The following ZBTB20 variants were observed in gnomAD, a reference collection of about 807,000 sequenced individuals.
ZBTB20 encodes zinc finger and BTB domain-containing protein 20.
A neutral mutation model predicts 56.9 loss-of-function variants in ZBTB20; 9 were observed. The observed-to-expected ratio is 0.16, with a 90% CI of 0.10 to 0.28. The LOEUF is 0.28. Ranked by LOEUF, ZBTB20 falls within the 10% of genes least tolerant of loss-of-function variation. The probability of loss-of-function intolerance (pLI) is 1.00; values close to 1 mark genes in which losing one functional copy is unlikely to be tolerated. For synonymous variants in ZBTB20, 417 were observed against 420.7 expected (o/e 0.99, Z 0.11); for missense variants, 655 against 1,003.0 (o/e 0.65, Z 4.69).
At position 114,529,471 on chromosome 3, in the gene ZBTB20, G is replaced by A. The variant is rs904460012; in HGVS notation, c.-294-29080C>T. ...TAAAGCAGAAATTTGTTCTCTCTCC[G>A]AGACATTATGTCTCTTTTACCACAT... On this transcript the variant is annotated intron_variant, in intron 6 of 11. Transcript: ENST00000675478. The A allele has an allele frequency of 5.3e-5, 8 of 152,056 alleles. No individual in the cohort carries two copies. The South Asian group carries it at 6.2e-4, about 12-fold the overall frequency. The allele number at this position is 152,056 out of a possible 1,614,324, so 9.4% of individuals were successfully genotyped here. A position where few individuals can be genotyped will look rare whatever the true frequency, so the allele number is the denominator to read the frequency against.
chr3:114,618,485 T>C (rs1231020809), intron 6 of ZBTB20, among the ~76,000 whole-genome samples: 1 of 152,128 alleles, frequency 6.6e-6, no homozygotes, highest in African/African-American at 2.4e-5. Flanking sequence ...CTCAAACTCC[T>C]GGGCTCAAGG....
chr3:114,340,159 A>G (rs1345925091), intron 11 of ZBTB20, among the ~76,000 whole-genome samples: 5 of 152,094 alleles, frequency 3.3e-5, no homozygotes, highest in African/African-American at 1.2e-4. Flanking sequence ...ACATGATGAT[A>G]TCAGACTCAA....
intron 6 of ZBTB20, among the ~76,000 whole-genome samples, chr3:114,610,037 A>G (rs982570591): frequency 6.6e-6 from 1 of 152,180 alleles, no homozygotes; most frequent in African/African-American, 2.4e-5. Context: ...GACTTAAATG[A>G]TAAAGCCATG....
At chr3:114,520,539 T>C (rs565349468) in intron 6 of ZBTB20, among the ~76,000 whole-genome samples, 237 of 152,246 alleles carry the variant, frequency 1.6e-3, no homozygotes, top group African/African-American at 5.4e-3. Context: ...GGAGTGGATT[T>C]AAGAGAAAAT....
In ZBTB20 at chr3:114,831,315, G is replaced by T. The variant is rs188470411; in HGVS notation, c.-416-30141C>A. On this transcript the variant is annotated intron_variant, in intron 4 of 11. Coordinates refer to ENST00000675478, the MANE Select transcript of ZBTB20 (RefSeq NM_001348800.3). ...GCAAGCTCAGAAACCCAGACTGCCT[G>T]GGTTCAAATCCAGGCTTTACCAATT... Among the ~76,000 whole-genome samples, 175 of 151,734 alleles carry T rather than the reference G, an allele frequency of 1.2e-3. 1 individual carries two copies. The highest frequency in any genetic ancestry group is 4.1e-3 in the African/African-American group (172 of 41,458).
At chr3:114,557,540 A>G (rs914662113) in intron 6 of ZBTB20, among the ~76,000 whole-genome samples, 13 of 151,994 alleles carry the variant, frequency 8.6e-5, no homozygotes, top group African/African-American at 3.1e-4. Context: ...TTTCCTGGAA[A>G]TATAATTTGC....
chr3:114,537,439 C>G (rs1218666381), intron 6 of ZBTB20, among the ~76,000 whole-genome samples: 1 of 152,146 alleles, frequency 6.6e-6, no homozygotes, highest in African/African-American at 2.4e-5. Flanking sequence ...CAATGAGATA[C>G]CATCTCACGC....
At chr3:114,847,217 G>T (rs546634859) in intron 4 of ZBTB20, among the ~76,000 whole-genome samples, 2 of 151,440 alleles carry the variant, frequency 1.3e-5, no homozygotes, top group South Asian at 2.1e-4. Flanking sequence ...GGTCACCTTG[G>T]AAGAAAGTCA....
At chr3:115,056,091 T>A (rs936609761) in intron 2 of ZBTB20, among the ~76,000 whole-genome samples, 1 of 152,084 alleles carries the variant, frequency 6.6e-6, no homozygotes, top group Non-Finnish European at 1.5e-5. Flanking sequence ...TAAAATACAG[T>A]CTTACAAAAT....
chr3:114,618,691 T>C (rs1264803676), intron 6 of ZBTB20, among the ~76,000 whole-genome samples: 2 of 152,214 alleles, frequency 1.3e-5, no homozygotes, highest in African/African-American at 4.8e-5. Flanking sequence ...TGGGTTACTA[T>C]TATCCTCATT....
chr3:114,843,634 T>C (rs369873750), intron 4 of ZBTB20, among the ~76,000 whole-genome samples: 5 of 152,094 alleles, frequency 3.3e-5, no homozygotes, highest in African/African-American at 1.2e-4. Context: ...CTCCTAAAGC[T>C]CTGGGATTAC....
At chr3:114,399,627 T>TA (rs1156256893) in intron 7 of ZBTB20, among the ~76,000 whole-genome samples, 1 of 152,136 alleles carries the variant, frequency 6.6e-6, no homozygotes, top group Non-Finnish European at 1.5e-5. Context: ...CTGGGCAATT[T>TA]ACACATGTGA....
At chr3:114,993,307 G>A (rs1168407915) in intron 2 of ZBTB20, among the ~76,000 whole-genome samples, 1 of 151,894 alleles carries the variant, frequency 6.6e-6, no homozygotes, top group African/African-American at 2.4e-5. Flanking sequence ...ACTCTAAGAA[G>A]GTGATATTTG....
intron 5 of ZBTB20, among the ~76,000 whole-genome samples, chr3:114,724,809 G>A (rs1255322800): frequency 6.6e-6 from 1 of 152,148 alleles, no homozygotes; most frequent in Non-Finnish European, 1.5e-5. Flanking sequence ...CAGTTTTCTG[G>A]AAGATTTGAT....
chr3:114,567,754 AC>A (rs2052953381), intron 6 of ZBTB20, among the ~76,000 whole-genome samples: 1 of 152,130 alleles, frequency 6.6e-6, no homozygotes, highest in Admixed American at 6.5e-5. Context: ...AACGGAACTG[AC>A]AAAGGAAACA....
chr3:114,644,294 T>C (rs921431052), intron 6 of ZBTB20, among the ~76,000 whole-genome samples: 4 of 152,102 alleles, frequency 2.6e-5, no homozygotes, highest in African/African-American at 9.7e-5. Context: ...TCTATTGGTA[T>C]TATTACATCA....
intron 2 of ZBTB20, among the ~76,000 whole-genome samples, chr3:114,980,944 A>G (rs1372477741): frequency 6.6e-6 from 1 of 151,960 alleles, no homozygotes; most frequent in Non-Finnish European, 1.5e-5. Flanking sequence ...CTAAAAATAT[A>G]AGATGTTCTA....
At chr3:114,454,570 A>T (rs2091889526) in intron 7 of ZBTB20, 1 of 151,692 alleles carries the variant, frequency 6.6e-6, no homozygotes, top group Admixed American at 6.6e-5. Flanking sequence ...GGTAGCGAAC[A>T]TCTCATACCT....
chr3:114,892,008 C>T (rs1021582587), intron 4 of ZBTB20, among the ~76,000 whole-genome samples: 2 of 151,944 alleles, frequency 1.3e-5, no homozygotes, highest in African/African-American at 4.8e-5. Flanking sequence ...GATCGCGCCT[C>T]TGCACTCCAG....
Sources: gnomAD v4.1 joint callset for allele counts (sites outside exome capture counted in the v4.1 genomes callset) on GRCh38, gnomAD v4.1.1 for gene constraint, MANE v1.5 for transcripts, NCBI Gene and HGNC (gene_info 2026-07-23, HGNC 2026-07-21) for gene names.